The following FER1L5 variants were observed in gnomAD, a reference collection of about 807,000 sequenced individuals.
FER1L5 encodes the protein fer-1-like protein 5.
A neutral mutation model predicts 279.9 loss-of-function variants in FER1L5; 187 were observed. The observed-to-expected ratio is 0.67, with a 90% CI of 0.59 to 0.75. The LOEUF is 0.75. Among genes scored for constraint, FER1L5 ranks in the 30% least tolerant of loss-of-function variants. The pLI, the probability that FER1L5 is intolerant of heterozygous loss-of-function variation, is 0.00. For synonymous variants in FER1L5, 921 were observed against 989.7 expected (o/e 0.93, Z 1.30); for missense variants, 2,091 against 2,594.4 (o/e 0.81, Z 4.21).
intron 19 of FER1L5, 70 bp downstream of exon 19, chr2:96,673,324 A>G: frequency 7.1e-7 from 1 of 1,415,904 alleles, no homozygotes; most frequent in Non-Finnish European, 9.6e-7. Flanking sequence ...AGGCTCTCTC[A>G]GGGGTATTAG....
chr2:96,673,029 C>T (rs2106587298), intron 18 of FER1L5, 48 bp from the exon 19 acceptor site: 4 of 1,532,838 alleles, frequency 2.6e-6, no homozygotes, highest in Non-Finnish European at 3.5e-6. Flanking sequence ...CAATATAACC[C>T]TTGGCTTATG....
intron 1 of FER1L5, among the ~76,000 whole-genome samples, chr2:96,644,245 G>A (rs371604079): frequency 1.6e-4 from 25 of 151,680 alleles, no homozygotes; most frequent in East Asian, 3.9e-4. Context: ...TTGGGAGGCC[G>A]AGGTGGGCGG....
intron 2 of FER1L5, among the ~76,000 whole-genome samples, 151 bp downstream of exon 2, chr2:96,646,604 C>T (rs1317242664): frequency 6.6e-6 from 1 of 152,212 alleles, no homozygotes; most frequent in African/African-American, 2.4e-5. Context: ...CTGGGAGTAG[C>T]AGCCTCTGAC....
rs1160937617 is a variant in FER1L5 at position 96,702,522 on chromosome 2, G to A, written c.5256-78G>A. ...TCCAGCTCTGCCTGGCGTCGGCTGG[G>A]CAGCCCTTCCCATGGGGCTCCAGCT... is the stretch of plus-strand genomic sequence containing the variant. On this transcript the variant is annotated intron_variant, in intron 47 of 52. Coordinates refer to ENST00000624922, the MANE Select transcript of FER1L5 (RefSeq NM_001293083.2). The surrounding 1 kb of genome is among the most constrained non-coding windows in gnomAD (Gnocchi z 4.0). 6.5e-7 allele frequency: 1 copy of A among 1,549,608 alleles called. No homozygotes were observed. Among genetic ancestry groups the A allele is most frequent in the Non-Finnish European group, 8.7e-7 (1 of 1,145,922 alleles).
chr2:96,702,369 TAG>T lies in FER1L5; in HGVS notation c.5229_5230del (p.Lys1744AspfsTer80). On this transcript the variant is annotated frameshift_variant, in exon 47 of 53. Transcript: ENST00000624922. LOFTEE classifies it high-confidence loss of function. This position sits in a 1 kb window ranked among gnomAD's most constrained non-coding sequence, Gnocchi z 4.0. ...NVDLVDDNLS[R>X]EKTSDIYIKG... ...TGGACCTGGTGGATGACAATTTAAG[TAG>T]AGAGAAGACGAGCGACATCTACATC... 6.2e-7 allele frequency: 1 copy of T among 1,612,962 alleles called. No individual in the cohort carries two copies. Among genetic ancestry groups the T allele is most frequent in the Non-Finnish European group, 8.5e-7 (1 of 1,179,594 alleles).
chr2:96,652,176 A>G (rs1023649565), intron 7 of FER1L5, 156 bp downstream of exon 7: 8 of 1,071,754 alleles, frequency 7.5e-6, no homozygotes, highest in Non-Finnish European at 1.1e-5. Flanking sequence ...CTGAAAATAC[A>G]GAACAGTATA....
chr2:96,685,236 C>G, intron 20 of FER1L5, 93 bp from the exon 21 acceptor site: 1 of 1,132,326 alleles, frequency 8.8e-7, no homozygotes, highest in Non-Finnish European at 1.3e-6. Flanking sequence ...AAGGTCGTGG[C>G]TGAAAACATC....
At position 96,696,123 on chromosome 2, in the gene FER1L5, G is replaced by T. The variant is rs1299000691; in HGVS notation, c.4083+46G>T. On this transcript the variant is annotated intron_variant, in intron 37 of 52. Transcript: ENST00000624922. ...CACCTTCTCCCATACTGTTGACGGG[G>T]TATAACCCTTGGGCCTAAGGAGGGG... 1.9e-6 allele frequency: 3 copies of T among 1,611,508 alleles called. No homozygotes were observed. In the Admixed American group the frequency reaches 5.0e-5, roughly 27 times the overall value.
rs1190430000 is a variant in FER1L5, at chr2:96,689,323, A to G, written c.2472A>G (p.Gln824=). ...AGACCCTCCCCATGACGGATTTCCA[A>G]CCACCCCTGGGATGGCACTGGCAGG... The part of the protein sequence containing the change: ...GNKTLPMTDF[Q]PPLGWHWQDS... The change falls in exon 25 of 53, where the codon CAA becomes CAG. Residue 824 remains glutamine (Q), a synonymous_variant. Coordinates refer to ENST00000624922, the MANE Select transcript of FER1L5 (RefSeq NM_001293083.2). The surrounding 1 kb of genome is among the most constrained non-coding windows in gnomAD (Gnocchi z 4.6). 1.2e-5 allele frequency: 19 copies of G among 1,550,322 alleles called. No individual in the cohort carries two copies. Among genetic ancestry groups the G allele is most frequent in the Middle Eastern group, 1.7e-4 (1 of 5,996 alleles).
intron 1 of FER1L5, among the ~76,000 whole-genome samples, chr2:96,644,658 G>A (rs1475752950): frequency 6.6e-6 from 1 of 152,202 alleles, no homozygotes; most frequent in Middle Eastern, 3.2e-3. Flanking sequence ...GTTCCTACAG[G>A]ACATATGAGT....
chr2:96,703,374 AG>A, intron 50 of FER1L5, 28 bp downstream of exon 50: 1 of 1,599,930 alleles, frequency 6.3e-7, no homozygotes. Flanking sequence ...TCTACTGATT[AG>A]GGCTGCTATG....
intron 9 of FER1L5, among the ~76,000 whole-genome samples, chr2:96,659,510 G>GTTCGTT (rs1491543660): frequency 7.0e-5 from 1 of 14,330 alleles, no homozygotes; most frequent in Non-Finnish European, 1.1e-4. Flanking sequence ...TCTTTCTTTC[G>GTTCGTT]AGACAGAGTC....
At position 96,702,833 on chromosome 2, in the gene FER1L5, T is replaced by C; in HGVS notation, c.5397+92T>C. 6.4e-7 allele frequency: 1 copy of C among 1,557,812 alleles called. No individual in the cohort carries two copies. The highest frequency in any genetic ancestry group is 8.7e-7 in the Non-Finnish European group (1 of 1,150,802). On this transcript the variant is annotated intron_variant, in intron 48 of 52. Coordinates refer to ENST00000624922, the MANE Select transcript of FER1L5 (RefSeq NM_001293083.2). The surrounding 1 kb of genome is among the most constrained non-coding windows in gnomAD (Gnocchi z 4.0). ...CCCCCACCCCTCCAGAGGCTTGCAA[T>C]CTGTCCCAGAACATCAGAAACATGT...
chr2:96,661,534 C>G, intron 11 of FER1L5, 94 bp downstream of exon 11: 1 of 1,507,384 alleles, frequency 6.6e-7, no homozygotes, highest in Non-Finnish European at 9.0e-7. Flanking sequence ...TCACATCTCT[C>G]CTTTGTCCGC....
intron 37 of FER1L5, 105 bp downstream of exon 37, chr2:96,696,182 C>A: frequency 6.9e-7 from 1 of 1,450,378 alleles, no homozygotes; most frequent in Non-Finnish European, 9.4e-7. Flanking sequence ...CCGTGCCCAA[C>A]TGTGAGGCCC....
rs181560908 is a variant in FER1L5 at position 96,668,004 on chromosome 2, G to T, written c.1141-747G>T. On this transcript the variant is annotated intron_variant, in intron 14 of 52. Transcript: ENST00000624922. ...GCCTCCTGAGTAGCTGGGACTATAGGTGAGTGCCACCACACCCAGCTAATT... is the reference window on the plus strand; with the variant it reads ...GCCTCCTGAGTAGCTGGGACTATAGTTGAGTGCCACCACACCCAGCTAATT... Among the ~76,000 whole-genome samples, 3 of 152,188 alleles carry T rather than the reference G, an allele frequency of 2.0e-5. No individual in the cohort carries two copies. The East Asian group carries it at 5.8e-4, about 30-fold the overall frequency.
In FER1L5 at chr2:96,644,566, G is replaced by A. The variant is rs1320926315; in HGVS notation, c.85+1645G>A. On this transcript the variant is annotated intron_variant, in intron 1 of 52. Coordinates refer to ENST00000624922, the MANE Select transcript of FER1L5 (RefSeq NM_001293083.2). The stretch of plus-strand genomic sequence containing the variant: ...GTGAAAGTATGTAGGTGGAGATACA[G>A]GACGGTGGATACAGGCAAATAGGTT... Among the ~76,000 whole-genome samples, 10 of 152,258 alleles carry A rather than the reference G, an allele frequency of 6.6e-5. No individual in the cohort carries two copies. The East Asian group carries it at 1.7e-3, about 26-fold the overall frequency.
chr2:96,658,420 G>A (rs935464829), intron 9 of FER1L5, among the ~76,000 whole-genome samples: 8 of 150,866 alleles, frequency 5.3e-5, no homozygotes, highest in Non-Finnish European at 1.2e-4. Context: ...GGGTTCAAGT[G>A]ATTCTCCTGC....
At chr2:96,676,973 C>T (rs1295268717) in intron 19 of FER1L5, among the ~76,000 whole-genome samples, 1 of 152,172 alleles carries the variant, frequency 6.6e-6, no homozygotes, top group Non-Finnish European at 1.5e-5. Context: ...TCCCCAGTAG[C>T]TGGGATTACA....
Sources: gnomAD v4.1 joint callset for allele counts (sites outside exome capture counted in the v4.1 genomes callset) on GRCh38, gnomAD v4.1.1 for gene constraint, Gnocchi (gnomAD v3.1) non-coding constraint, MANE v1.5 for transcripts, NCBI Gene and HGNC (gene_info 2026-07-23, HGNC 2026-07-21) for gene names.